The following L3MBTL4 variants were observed in gnomAD, a reference collection of about 807,000 sequenced individuals.
L3MBTL4 encodes lethal(3)malignant brain tumor-like protein 4.
In L3MBTL4, 70 loss-of-function variants were observed where a neutral mutation model predicts 84.5. That is an observed-to-expected ratio of 0.83 (90% CI 0.68 to 1.01). L3MBTL4 has a LOEUF of 1.01. Ranked by LOEUF, L3MBTL4 falls within the 50% of genes least tolerant of loss-of-function variation. The pLI is 0.00. For synonymous variants in L3MBTL4, 274 were observed against 259.8 expected, an observed-to-expected ratio of 1.05 and a Z score of -0.52; for missense variants, 715 against 754.8, an observed-to-expected ratio of 0.95 and a Z score of 0.62.
intron 5 of L3MBTL4, among the ~76,000 whole-genome samples, chr18:6,245,320 AATAG>A (rs2047614540): frequency 6.6e-6 from 1 of 152,142 alleles, no homozygotes; most frequent in African/African-American, 2.4e-5. Flanking sequence ...TATGCTTTGA[AATAG>A]TACCTCCATG....
intron 1 of L3MBTL4, among the ~76,000 whole-genome samples, chr18:6,349,950 C>A (rs1452872179): frequency 6.6e-6 from 1 of 152,148 alleles, no homozygotes; most frequent in Non-Finnish European, 1.5e-5. Flanking sequence ...AAATCCACTA[C>A]ACTGTATTCT....
chr18:6,018,780 G>GTTAA (rs1190851704), intron 16 of L3MBTL4, among the ~76,000 whole-genome samples: 1 of 152,216 alleles, frequency 6.6e-6, no homozygotes, highest in African/African-American at 2.4e-5. Flanking sequence ...CTCTGAAAGA[G>GTTAA]TTAAGGTCTG....
At chr18:5,983,008 G>C (rs1023471777) in intron 16 of L3MBTL4, among the ~76,000 whole-genome samples, 5 of 152,192 alleles carry the variant, frequency 3.3e-5, no homozygotes, top group African/African-American at 1.2e-4. Context: ...TCAGCAGAAA[G>C]ATGACAATTT....
chr18:6,336,379 A>T (rs886208008), intron 1 of L3MBTL4, among the ~76,000 whole-genome samples: 4 of 152,102 alleles, frequency 2.6e-5, no homozygotes, highest in African/African-American at 9.7e-5. Context: ...GAAATTGGAG[A>T]CTTGAAGACC....
At chr18:6,284,922 G>A (rs1411475860) in intron 4 of L3MBTL4, among the ~76,000 whole-genome samples, 2 of 152,334 alleles carry the variant, frequency 1.3e-5, no homozygotes, top group East Asian at 3.9e-4. Flanking sequence ...TCCACAAGTT[G>A]GGGAGTAGGC....
At chr18:6,318,571 G>C (rs926892655) in intron 1 of L3MBTL4, among the ~76,000 whole-genome samples, 1 of 114,744 alleles carries the variant, frequency 8.7e-6, no homozygotes, top group South Asian at 2.9e-4. Flanking sequence ...AATCCAACAA[G>C]AGGATATTAC....
chr18:6,283,988 C>T (rs866637483), intron 4 of L3MBTL4, among the ~76,000 whole-genome samples: 5 of 152,174 alleles, frequency 3.3e-5, no homozygotes, highest in South Asian at 2.1e-4. Context: ...AAAGTCTGGG[C>T]GATCATTCTC....
At chr18:6,031,185 G>A (rs2055783243) in intron 16 of L3MBTL4, 1 of 985,304 alleles carries the variant, frequency 1.0e-6, no homozygotes, top group Admixed American at 6.1e-5. Flanking sequence ...CTCCCCCGTG[G>A]GAGTAGAATG....
At chr18:6,074,225 C>T (rs1488637660) in intron 16 of L3MBTL4, among the ~76,000 whole-genome samples, 3 of 152,202 alleles carry the variant, frequency 2.0e-5, no homozygotes, top group Non-Finnish European at 1.5e-5. Flanking sequence ...GTAGGGTCAG[C>T]ATTTCTATGG....
chr18:6,024,240 A>G (rs1214029329), intron 16 of L3MBTL4, among the ~76,000 whole-genome samples: 1 of 152,146 alleles, frequency 6.6e-6, no homozygotes, highest in Admixed American at 6.6e-5. Flanking sequence ...CGCATTTTGA[A>G]GTTTGGATGG....
At chr18:6,007,179 T>TA (rs1311944986) in intron 16 of L3MBTL4, among the ~76,000 whole-genome samples, 3 of 151,654 alleles carry the variant, frequency 2.0e-5, no homozygotes, top group Non-Finnish European at 4.4e-5. Flanking sequence ...AATGGGGTTT[T>TA]AAAAAAAACC....
chr18:6,219,532 T>C (rs2046463250), intron 10 of L3MBTL4, among the ~76,000 whole-genome samples: 2 of 142,990 alleles, frequency 1.4e-5, no homozygotes, highest in South Asian at 2.5e-4. Flanking sequence ...CATGGGTGGC[T>C]GAACCAAAGC....
At chr18:5,968,128 C>T (rs545023177) in intron 17 of L3MBTL4, among the ~76,000 whole-genome samples, 21 of 152,306 alleles carry the variant, frequency 1.4e-4, no homozygotes, top group African/African-American at 4.6e-4. Flanking sequence ...GCTGGGAAGG[C>T]GGACTTAAAC....
chr18:6,278,398 ACCCTGTG>A (rs2049180209), intron 4 of L3MBTL4, among the ~76,000 whole-genome samples: 1 of 152,046 alleles, frequency 6.6e-6, no homozygotes, highest in Non-Finnish European at 1.5e-5. Flanking sequence ...ATAAAATTGA[ACCCTGTG>A]TTATCACTGA....
intron 16 of L3MBTL4, among the ~76,000 whole-genome samples, chr18:5,984,143 C>A (rs1204366751): frequency 6.6e-6 from 1 of 152,156 alleles, no homozygotes; most frequent in East Asian, 1.9e-4. Flanking sequence ...AACTCCTGAC[C>A]TCAGGTGATC....
At chr18:6,347,598 T>C (rs1284562658) in intron 1 of L3MBTL4, among the ~76,000 whole-genome samples, 1 of 151,396 alleles carries the variant, frequency 6.6e-6, no homozygotes, top group South Asian at 2.1e-4. Flanking sequence ...CCAACTGACA[T>C]AAATTAACAC....
intron 1 of L3MBTL4, among the ~76,000 whole-genome samples, chr18:6,325,673 G>A (rs1238000282): frequency 6.6e-6 from 1 of 152,142 alleles, no homozygotes; most frequent in Non-Finnish European, 1.5e-5. Context: ...AGGAAAATTA[G>A]TATCATGTTT....
chr18:6,315,816 G>A (rs1197081563), intron 1 of L3MBTL4, among the ~76,000 whole-genome samples: 1 of 152,134 alleles, frequency 6.6e-6, no homozygotes, highest in Non-Finnish European at 1.5e-5. Context: ...CTTTCCTTAT[G>A]TCATGGCAGC....
chr18:6,244,014 G>A (rs1187439901), intron 6 of L3MBTL4, among the ~76,000 whole-genome samples: 3 of 152,066 alleles, frequency 2.0e-5, no homozygotes, highest in African/African-American at 7.2e-5. Flanking sequence ...ATCTTTTATG[G>A]ATTTAATAAT....
Sources: gnomAD v4.1 joint callset for allele counts (sites outside exome capture counted in the v4.1 genomes callset) on GRCh38, gnomAD v4.1.1 for gene constraint, MANE v1.5 for transcripts, NCBI Gene and HGNC (gene_info 2026-07-23, HGNC 2026-07-21) for gene names.